The following EHD2 variants were observed in gnomAD, a reference collection of about 807,000 sequenced individuals.
EHD2 encodes the protein EH domain-containing protein 2.
Under a neutral mutation model 41.0 loss-of-function variants are expected in EHD2, and 27 were observed. The ratio of observed to expected loss-of-function variants is 0.66; its 90% CI spans 0.49 to 0.91. EHD2 has a LOEUF of 0.91. Ranked by LOEUF, EHD2 falls within the 40% of genes least tolerant of loss-of-function variation. The pLI, the probability that EHD2 is intolerant of heterozygous loss-of-function variation, is 0.00. For synonymous variants in EHD2, 342 were observed against 341.0 expected, an observed-to-expected ratio of 1.00 and a Z score of -0.03; for missense variants, 673 against 773.9, an observed-to-expected ratio of 0.87 and a Z score of 1.55.
At chr19:47,718,275 A>AAC in intron 2 of EHD2, among the ~76,000 whole-genome samples, 1 of 127,680 alleles carries the variant, frequency 7.8e-6, no homozygotes, top group African/African-American at 2.8e-5. Context: ...CTCTGTCTCA[A>AAC]AAAAAAAAAA....
In EHD2 at chr19:47,726,168, C is replaced by G; in HGVS notation, c.859C>G (p.Arg287Gly). The G allele has an allele frequency of 6.4e-7, 1 of 1,573,530 alleles. No homozygotes were observed. The highest frequency in any genetic ancestry group is 8.6e-7 in the Non-Finnish European group (1 of 1,161,036). The change falls in exon 4 of 6, where the codon CGG (arginine) becomes GGG (glycine). Residue 287 changes from arginine (R) to glycine (G), a missense_variant. By Grantham distance (125) the Arg-to-Gly change is moderately radical. Coordinates refer to ENST00000263277, the MANE Select transcript of EHD2 (RefSeq NM_014601.4). ...CTTCCGCGACATCCAGGGCCTGCCC[C>G]GGCACGCAGCCTTGCGCAAGCTCAA... is the stretch of plus-strand genomic sequence containing the variant. ...DLFRDIQGLP[R>G]HAALRKLNDL...
chr19:47,714,285 G>A (rs76559441), intron 1 of EHD2, among the ~76,000 whole-genome samples: 11,323 of 151,958 alleles, frequency 0.075, 543 homozygotes, highest in Non-Finnish European at 0.11. Context: ...CCCTGCCCCC[G>A]CCCTGGAATC....
At chr19:47,731,279 A>AAAAAAATATAT in intron 4 of EHD2, 4 of 60,932 alleles carry the variant, frequency 6.6e-5, no homozygotes, top group African/African-American at 2.0e-4. Context: ...AAAAAAAAAA[A>AAAAAAATATAT]ATATATATAT....
chr19:47,722,359 T>C (rs1024681877), intron 3 of EHD2, among the ~76,000 whole-genome samples: 1 of 152,108 alleles, frequency 6.6e-6, no homozygotes, highest in Non-Finnish European at 1.5e-5. Context: ...GGGGCTCCAG[T>C]TGCTGTCCCT....
At chr19:47,726,707 C>T (rs905205329) in intron 4 of EHD2, among the ~76,000 whole-genome samples, 8 of 152,008 alleles carry the variant, frequency 5.3e-5, no homozygotes, top group East Asian at 1.9e-4. Context: ...GATGGAGTCT[C>T]GCTCTCTTGC....
At position 47,741,011 on chromosome 19, in the gene EHD2, G is replaced by GCAC; in HGVS notation, c.1213_1215dup (p.Thr405dup). On this transcript the variant is annotated inframe_insertion, in exon 6 of 6. Transcript: ENST00000263277. The surrounding 1 kb of genome is among the most constrained non-coding windows in gnomAD (Gnocchi z 4.5). ...CTGCTGCGGCAGGAGGAGCTGGAGA[G>GCAC]CACCGAGGTGGGCGTGCAGGGGGGC... The GCAC allele has an allele frequency of 6.2e-7, 1 of 1,610,680 alleles. No homozygotes were observed. Among genetic ancestry groups the GCAC allele is most frequent in the Non-Finnish European group, 8.5e-7 (1 of 1,179,864 alleles).
chr19:47,742,117 CCATTT>C lies in EHD2; in HGVS notation c.*686_*690del. ...GGAAAGCCCCCAATTCTGCCCACAC[CCATTT>C]ATTTCCTTCCTTCCTTCCTTCTTTT... On this transcript the variant is annotated 3_prime_UTR_variant, in exon 6 of 6. Coordinates refer to ENST00000263277, the MANE Select transcript of EHD2 (RefSeq NM_014601.4). 2.9e-6 allele frequency: 1 copy of C among 339,816 alleles called. No homozygotes were observed. The highest frequency in any genetic ancestry group is 5.7e-6 in the Non-Finnish European group (1 of 175,210). 21.1% of individuals were successfully genotyped at this position (339,816 alleles called of 1,614,324 possible).
intron 4 of EHD2, among the ~76,000 whole-genome samples, chr19:47,728,632 G>C (rs368502156): frequency 6.8e-6 from 1 of 148,058 alleles, no homozygotes; most frequent in Non-Finnish European, 1.5e-5. Context: ...GCAGTGGTGC[G>C]ATATCAGCTC....
rs1211675944 is a variant in EHD2 at position 47,741,773 on chromosome 19, A to G, written c.*341A>G. On this transcript the variant is annotated 3_prime_UTR_variant, in exon 6 of 6. Transcript: ENST00000263277. This position sits in a 1 kb window ranked among gnomAD's most constrained non-coding sequence, Gnocchi z 4.5. ...AGCCCTGTTCTAGGCACTGGGCATTACCATAGAGAACAAAATAGACAAATA... is the reference window on the plus strand; with the variant it reads ...AGCCCTGTTCTAGGCACTGGGCATTGCCATAGAGAACAAAATAGACAAATA... 1.1e-5 allele frequency: 6 copies of G among 544,160 alleles called. No individual in the cohort carries two copies. The highest frequency in any genetic ancestry group is 2.8e-4 in the Middle Eastern group (1 of 3,568). 33.7% of individuals were successfully genotyped at this position (544,160 alleles called of 1,614,324 possible).
chr19:47,741,058 G>C lies in EHD2; in HGVS notation c.1258G>C (p.Gly420Arg), dbSNP rs371057509. 1.5e-4 allele frequency: 235 copies of C among 1,609,440 alleles called. No individual in the cohort carries two copies. Among genetic ancestry groups the C allele is most frequent in the Non-Finnish European group, 1.9e-4 (230 of 1,179,524 alleles). ...GGGCGCTTTTGAGGGCACCCACATG[G>C]GCCCGTTTGTGGAGCGGGGACCTGA... ...QGGAFEGTHM[G>R]PFVERGPDEA... The change falls in exon 6 of 6, where the codon GGC becomes CGC. Residue 420 changes from glycine to arginine, a missense_variant. Gly to Arg is a moderately radical substitution (Grantham distance 125, BLOSUM62 -2). Transcript: ENST00000263277. The surrounding 1 kb of genome is among the most constrained non-coding windows in gnomAD (Gnocchi z 4.5).
intron 4 of EHD2, among the ~76,000 whole-genome samples, chr19:47,727,613 C>T (rs1006683365): frequency 6.6e-6 from 1 of 151,544 alleles, no homozygotes; most frequent in African/African-American, 2.4e-5. Flanking sequence ...TGCGGTGGCT[C>T]ACGCCTGTAA....
intron 1 of EHD2, among the ~76,000 whole-genome samples, chr19:47,714,227 C>T (rs1247944506): frequency 1.3e-5 from 2 of 152,146 alleles, no homozygotes; most frequent in Admixed American, 6.6e-5. Context: ...CATGCCCTAT[C>T]GGCCTTTGAG....
intron 4 of EHD2, chr19:47,732,294 T>G (rs981838310): frequency 2.6e-5 from 4 of 152,072 alleles, no homozygotes; most frequent in African/African-American, 9.7e-5. Context: ...AATTTTTGTA[T>G]TTTTAGTAGA....
intron 3 of EHD2, among the ~76,000 whole-genome samples, chr19:47,720,610 TTTTGTCTA>T (rs1973685096): frequency 6.6e-6 from 1 of 151,970 alleles, no homozygotes; most frequent in Non-Finnish European, 1.5e-5. Flanking sequence ...AAAGGGCAAC[TTTTGTCTA>T]TGTGTCTATG....
Position 47,718,923 on chromosome 19 carries a change from G to A in EHD2, c.502+317G>A, listed in dbSNP as rs867025079. On this transcript the variant is annotated intron_variant, in intron 3 of 5. Transcript: ENST00000263277. ...TGGGGCCTGGACTCCTGGGTCTGAG[G>A]GAGAGGGGCTGGGCCTGGACTCCTG... Among the ~76,000 whole-genome samples the A allele has an allele frequency of 2.3e-3, 341 of 146,482 alleles. 1 individual carries two copies. The highest frequency in any genetic ancestry group is 7.6e-3 in the African/African-American group (302 of 39,922).
intron 2 of EHD2, among the ~76,000 whole-genome samples, chr19:47,717,670 G>A (rs868198429): frequency 2.0e-5 from 3 of 152,084 alleles, no homozygotes; most frequent in Non-Finnish European, 4.4e-5. Context: ...GCTTTGGGAG[G>A]CCAAGGCAGG....
chr19:47,723,682 A>ATT (rs11309367), intron 3 of EHD2, among the ~76,000 whole-genome samples: 67 of 129,174 alleles, frequency 5.2e-4, no homozygotes, highest in Middle Eastern at 4.2e-3. Flanking sequence ...AAGCTCAACC[A>ATT]TTTTTTTTTT....
chr19:47,727,786 G>T (rs1317181066), intron 4 of EHD2, among the ~76,000 whole-genome samples: 4 of 149,598 alleles, frequency 2.7e-5, no homozygotes, highest in African/African-American at 9.9e-5. Context: ...GACAGAATAA[G>T]TAAACAGACA....
In EHD2 at chr19:47,741,613, G is replaced by A; in HGVS notation, c.*181G>A. ...AGCATTTAGAGGGGACCACGGGAGG[G>A]ACAAGGCTTCTCTGTCCGCCCTTCA... On this transcript the variant is annotated 3_prime_UTR_variant, in exon 6 of 6. Transcript: ENST00000263277. This position sits in a 1 kb window ranked among gnomAD's most constrained non-coding sequence, Gnocchi z 4.5. 2.8e-6 allele frequency: 2 copies of A among 703,278 alleles called. No homozygotes were observed. Among genetic ancestry groups the A allele is most frequent in the Non-Finnish European group, 4.7e-6 (2 of 427,992 alleles). 43.6% of individuals were successfully genotyped at this position (703,278 alleles called of 1,614,324 possible).
Sources: allele counts gnomAD v4.1 joint callset (sites outside exome capture counted in the v4.1 genomes callset), GRCh38; gene constraint gnomAD v4.1.1; non-coding constraint Gnocchi (gnomAD v3.1); transcripts MANE v1.5; gene names NCBI Gene and HGNC (gene_info 2026-07-23, HGNC 2026-07-21).